Variants in JARID2 observed in about 807,000 individuals in gnomAD.
The protein encoded by JARID2 is protein Jumonji.
In JARID2, 21 loss-of-function variants were observed where a neutral mutation model predicts 125.6. The ratio of observed to expected loss-of-function variants is 0.17; its 90% CI spans 0.12 to 0.24. The LOEUF is 0.24. JARID2 is among the 10% of genes least tolerant of loss of function. The pLI is 1.00. For synonymous variants in JARID2, 736 were observed against 661.6 expected, an observed-to-expected ratio of 1.11 and a Z score of -1.73; for missense variants, 1,303 against 1,639.6, an observed-to-expected ratio of 0.79 and a Z score of 3.55.
intron 3 of JARID2, among the ~76,000 whole-genome samples, chr6:15,438,191 G>GAT (rs1767293743): frequency 6.6e-6 from 1 of 152,160 alleles, no homozygotes; most frequent in African/African-American, 2.4e-5. Context: ...TCCCAGGACT[G>GAT]ATATATGGCT....
intron 1 of JARID2, among the ~76,000 whole-genome samples, chr6:15,318,094 C>T (rs571863101): frequency 6.6e-6 from 1 of 152,164 alleles, no homozygotes; most frequent in Non-Finnish European, 1.5e-5. Context: ...CCTGTAGTCC[C>T]AGCTACTGGG....
chr6:15,462,621 C>T (rs1581598105), intron 4 of JARID2, among the ~76,000 whole-genome samples: 2 of 152,064 alleles, frequency 1.3e-5, no homozygotes, highest in African/African-American at 2.4e-5. Context: ...TTATGTATCC[C>T]GAAGATGAAA....
chr6:15,305,750 C>A (rs1174528194), intron 1 of JARID2, among the ~76,000 whole-genome samples: 2 of 152,134 alleles, frequency 1.3e-5, no homozygotes, highest in African/African-American at 2.4e-5. Flanking sequence ...CTCTTTGGAG[C>A]ACCCCTCCAA....
At chr6:15,403,925 G>A (rs79128689) in intron 2 of JARID2, among the ~76,000 whole-genome samples, 4,214 of 152,204 alleles carry the variant, frequency 0.028, 92 homozygotes, top group Non-Finnish European at 0.04. Flanking sequence ...GGTGTTTTTG[G>A]ATTGTCTTTT....
chr6:15,364,488 C>T (rs560673522), intron 1 of JARID2, among the ~76,000 whole-genome samples: 2 of 152,320 alleles, frequency 1.3e-5, no homozygotes, highest in South Asian at 4.1e-4. Flanking sequence ...CAGGATGTTT[C>T]CTGCAAGAGG....
At position 15,246,422 on chromosome 6, in the gene JARID2, C is replaced by G; in HGVS notation, c.-118C>G. 2 of 760,610 alleles carry G rather than the reference C, an allele frequency of 2.6e-6. No homozygotes were observed. The highest frequency in any genetic ancestry group is 1.7e-5 in the South Asian group (1 of 58,154). 47.1% of individuals were successfully genotyped at this position (760,610 alleles called of 1,614,324 possible). A position where few individuals can be genotyped will look rare whatever the true frequency, so the allele number is the denominator to read the frequency against. On this transcript the variant is annotated 5_prime_UTR_variant, in exon 1 of 18. Coordinates refer to ENST00000341776, the MANE Select transcript of JARID2 (RefSeq NM_004973.4). ...GGGAAGAGGAAGAAAAGTCGGATTACAAGATCAACCACCACCAACAACAAT... is the reference window on the plus strand; with the variant it reads ...GGGAAGAGGAAGAAAAGTCGGATTAGAAGATCAACCACCACCAACAACAAT...
intron 2 of JARID2, among the ~76,000 whole-genome samples, chr6:15,403,532 G>A (rs1375130314): frequency 6.6e-6 from 1 of 152,050 alleles, no homozygotes; most frequent in Admixed American, 6.5e-5. Context: ...TTGCCTTCTG[G>A]GGCCCAGGGT....
chr6:15,259,270 A>G (rs1759783214), intron 1 of JARID2, among the ~76,000 whole-genome samples: 1 of 152,196 alleles, frequency 6.6e-6, no homozygotes. Flanking sequence ...CTCCTTTTCC[A>G]TTCTTACACT....
intron 4 of JARID2, among the ~76,000 whole-genome samples, chr6:15,460,335 C>T (rs892517637): frequency 6.6e-6 from 1 of 152,172 alleles, no homozygotes; most frequent in African/African-American, 2.4e-5. Context: ...ATGTTGTGCC[C>T]TCCCTGAAGA....
At chr6:15,327,305 G>A (rs1762562791) in intron 1 of JARID2, among the ~76,000 whole-genome samples, 5 of 152,080 alleles carry the variant, frequency 3.3e-5, no homozygotes, top group African/African-American at 1.2e-4. Flanking sequence ...GTGCAGTGGT[G>A]CTATCATAGC....
Position 15,508,344 on chromosome 6 carries a change from G to C in JARID2, c.2736G>C (p.Val912=), listed in dbSNP as rs146710045. Reference sequence around the variant, plus strand: ...TTTTCACTCTTTCTGTTTTAGGAGTGACTATTCCCTGGCTAAATATTGGCA... The same window carrying C: ...TTTTCACTCTTTCTGTTTTAGGAGTCACTATTCCCTGGCTAAATATTGGCA... ...ILRHLGAVPG[V]TIPWLNIGMV... The change falls in exon 12 of 18, where the codon GTG becomes GTC. Residue 912 remains valine (V), a synonymous_variant. Transcript: ENST00000341776. 1.9e-6 allele frequency: 3 copies of C among 1,562,108 alleles called. No homozygotes were observed. In the African/African-American group the frequency reaches 4.1e-5, roughly 21 times the overall value.
intron 6 of JARID2, among the ~76,000 whole-genome samples, chr6:15,493,384 C>T (rs1770250771): frequency 6.6e-6 from 1 of 152,154 alleles, no homozygotes; most frequent in Non-Finnish European, 1.5e-5. Flanking sequence ...CTGAACTAAA[C>T]CTCAGCAAGT....
intron 1 of JARID2, among the ~76,000 whole-genome samples, chr6:15,330,302 C>T (rs1416209225): frequency 6.6e-6 from 1 of 152,078 alleles, no homozygotes. Flanking sequence ...GTTATTTGGT[C>T]TGGTGAGGTT....
intron 1 of JARID2, among the ~76,000 whole-genome samples, chr6:15,342,277 T>C (rs1391303739): frequency 2.0e-5 from 3 of 152,216 alleles, no homozygotes; most frequent in African/African-American, 4.8e-5. Flanking sequence ...TGCGACTTAC[T>C]GTAAACATCT....
At chr6:15,307,915 C>G (rs1435093998) in intron 1 of JARID2, among the ~76,000 whole-genome samples, 1 of 152,222 alleles carries the variant, frequency 6.6e-6, no homozygotes, top group Non-Finnish European at 1.5e-5. Context: ...TAGCTTAAAA[C>G]TTAATGATTT....
intron 1 of JARID2, among the ~76,000 whole-genome samples, chr6:15,257,750 G>A (rs954171339): frequency 4.5e-4 from 69 of 152,326 alleles, no homozygotes; most frequent in African/African-American, 1.6e-3. Context: ...CAGCGGGTTG[G>A]TTGGTTTGTT....
Position 15,378,389 on chromosome 6 carries a change from T to C in JARID2, c.181+4137T>C, listed in dbSNP as rs78876406. Among the ~76,000 whole-genome samples the C allele has an allele frequency of 7.6e-3, 1,139 of 150,354 alleles. 14 individuals are homozygous for C. Among genetic ancestry groups the C allele is most frequent in the African/African-American group, 0.026 (1,080 of 41,028 alleles). ...CAAGCAAGGATGAGAACATGTGCCT[T>C]AACCCCAGAGAAGGGTGGGTGGTGG... is the stretch of plus-strand genomic sequence containing the variant. On this transcript the variant is annotated intron_variant, in intron 2 of 17. Transcript: ENST00000341776.
chr6:15,400,804 C>A (rs755385113), intron 2 of JARID2: 5 of 1,243,664 alleles, frequency 4.0e-6, no homozygotes, highest in South Asian at 1.3e-5. Flanking sequence ...GTCCTATTGC[C>A]GCGCGGAATC....
At chr6:15,279,793 C>T (rs1177522481) in intron 1 of JARID2, among the ~76,000 whole-genome samples, 2 of 152,198 alleles carry the variant, frequency 1.3e-5, no homozygotes, top group African/African-American at 2.4e-5. Context: ...TAGCCCCTAT[C>T]GTCTATGGGA....
Sources: allele counts gnomAD v4.1 joint callset (sites outside exome capture counted in the v4.1 genomes callset), GRCh38; gene constraint gnomAD v4.1.1; transcripts MANE v1.5; gene names NCBI Gene and HGNC (gene_info 2026-07-23, HGNC 2026-07-21).